The following ELAVL4 variants were observed in gnomAD, a reference collection of about 807,000 sequenced individuals.
ELAVL4 encodes ELAV-like protein 4.
A neutral mutation model predicts 35.6 loss-of-function variants in ELAVL4; 1 was observed. The observed-to-expected ratio is 0.03, with a 90% CI of 0.01 to 0.13. ELAVL4 has a LOEUF of 0.13. ELAVL4 is among the 10% of genes least tolerant of loss of function. The probability of loss-of-function intolerance (pLI) is 1.00; values close to 1 mark genes in which losing one functional copy is unlikely to be tolerated. For synonymous variants in ELAVL4, 156 were observed against 171.0 expected, an observed-to-expected ratio of 0.91 and a Z score of 0.69; for missense variants, 267 against 464.9, an observed-to-expected ratio of 0.57 and a Z score of 3.91.
At chr1:50,176,987 A>G in intron 2 of ELAVL4, 102 bp from the exon 3 acceptor site, 2 of 879,514 alleles carry the variant, frequency 2.3e-6, no homozygotes, top group Admixed American at 4.4e-5. Flanking sequence ...CTGCAGTGGG[A>G]AGTGTTGCCT....
upstream of ELAVL4, chr1:50,104,042 AC>A (rs1356591871): frequency 6.2e-7 from 1 of 1,608,364 alleles, no homozygotes; most frequent in Admixed American, 1.7e-5. Flanking sequence ...CAGATGGTAG[AC>A]CGTCAATGGG....
chr1:50,142,328 T>G (rs1206798534), intron 1 of ELAVL4, among the ~76,000 whole-genome samples: 4 of 152,074 alleles, frequency 2.6e-5, no homozygotes, highest in African/African-American at 9.7e-5. Context: ...GCCTCCCGAG[T>G]AGCTGGGATT....
At chr1:50,141,794 C>T (rs1265985700) in intron 1 of ELAVL4, 1 of 152,214 alleles carries the variant, frequency 6.6e-6, no homozygotes, top group Non-Finnish European at 1.5e-5. Flanking sequence ...CTAAAGTTGA[C>T]CTGAAGCCAA....
intron 1 of ELAVL4, among the ~76,000 whole-genome samples, chr1:50,120,455 T>C (rs1668837744): frequency 6.6e-6 from 1 of 151,926 alleles, no homozygotes; most frequent in Non-Finnish European, 1.5e-5. Flanking sequence ...TAGAAAGAGA[T>C]AGGTAAAAGC....
intron 1 of ELAVL4, among the ~76,000 whole-genome samples, chr1:50,086,931 T>C (rs1665273388): frequency 6.6e-6 from 1 of 152,192 alleles, no homozygotes; most frequent in Admixed American, 6.5e-5. Flanking sequence ...GCCCCTCAAG[T>C]CACTCCTTGG....
rs537174332 is a variant in ELAVL4, at chr1:50,109,273, T to TTATGC, written c.9+77_9+81dup. ...AAAAGCATCTACACCTTGACCAGTC[T>TTATGC]TATGCTTGCACAAGAGTTTAGTTCT... is the stretch of plus-strand genomic sequence containing the variant. On this transcript the variant is annotated intron_variant, in intron 1 of 6. Transcript: ENST00000371824. 1.8e-4 allele frequency: 261 copies of TTATGC among 1,490,076 alleles called. 1 individual carries two copies. In the African/African-American group the frequency reaches 3.5e-3, roughly 20 times the overall value. 92.3% of individuals were successfully genotyped at this position (1,490,076 alleles called of 1,614,324 possible).
chr1:50,102,296 T>TAATAAAATAAAATAA (rs150940225), upstream of ELAVL4, among the ~76,000 whole-genome samples: 612 of 139,090 alleles, frequency 4.4e-3, 5 homozygotes, highest in African/African-American at 0.013. Context: ...AAAAATAAAA[T>TAATAAAATAAAATAA]AATAAAATAA....
chr1:50,127,949 G>C (rs148110169), intron 1 of ELAVL4, among the ~76,000 whole-genome samples: 1 of 152,126 alleles, frequency 6.6e-6, no homozygotes, highest in Non-Finnish European at 1.5e-5. Context: ...CATGCCAGGC[G>C]TGCCCAGATC....
At chr1:50,069,780 G>A (rs1443425496) in intron 1 of ELAVL4, among the ~76,000 whole-genome samples, 2 of 152,044 alleles carry the variant, frequency 1.3e-5, no homozygotes, top group Admixed American at 1.3e-4. Flanking sequence ...ATCACTCTCT[G>A]AACCTAGACA....
At chr1:50,119,755 G>A (rs1292807131) in intron 1 of ELAVL4, among the ~76,000 whole-genome samples, 1 of 151,846 alleles carries the variant, frequency 6.6e-6, no homozygotes, top group African/African-American at 2.4e-5. Flanking sequence ...GCTGTTCTCA[G>A]CATAGTTCTG....
intron 1 of ELAVL4, among the ~76,000 whole-genome samples, chr1:50,061,285 C>A (rs777403698): frequency 6.6e-6 from 1 of 152,122 alleles, no homozygotes; most frequent in Non-Finnish European, 1.5e-5. Flanking sequence ...TTGTTTTTAA[C>A]CTGAATCCCT....
chr1:50,201,473 C>G lies in ELAVL4; in HGVS notation c.*295C>G, dbSNP rs1420641199. 2 of 173,636 alleles carry G rather than the reference C, an allele frequency of 1.2e-5. No homozygotes were observed. The highest frequency in any genetic ancestry group is 4.8e-5 in the African/African-American group (2 of 42,078). 10.8% of individuals were successfully genotyped at this position (173,636 alleles called of 1,614,324 possible). On this transcript the variant is annotated 3_prime_UTR_variant, in exon 7 of 7. Transcript: ENST00000371824. This position sits in a 1 kb window ranked among gnomAD's most constrained non-coding sequence, Gnocchi z 4.3. ...TGTTGAATATAATATACATAGATAG[C>G]GATGTGCAGGGATTTTTACCCAGCC...
chr1:50,140,747 C>A (rs1177547200), intron 1 of ELAVL4, among the ~76,000 whole-genome samples: 1 of 152,154 alleles, frequency 6.6e-6, no homozygotes, highest in Non-Finnish European at 1.5e-5. Context: ...TGTATGTGTC[C>A]ATTTGTGTGT....
chr1:50,195,879 G>C (rs1644024581), intron 5 of ELAVL4, 93 bp downstream of exon 5: 10 of 1,424,018 alleles, frequency 7.0e-6, no homozygotes, highest in Non-Finnish European at 9.7e-6. Context: ...ATGGGGCAAG[G>C]GTAAAAGCTT....
intron 1 of ELAVL4, among the ~76,000 whole-genome samples, chr1:50,138,965 A>C (rs1211967578): frequency 6.6e-6 from 1 of 152,188 alleles, no homozygotes; most frequent in East Asian, 1.9e-4. Context: ...ATACTTTAAA[A>C]CTATTTAGTT....
chr1:50,104,388 C>T (rs1666151293), upstream of ELAVL4, among the ~76,000 whole-genome samples: 1 of 152,288 alleles, frequency 6.6e-6, no homozygotes, highest in South Asian at 2.1e-4. Context: ...TACAAATTAG[C>T]TTATTTCATA....
At chr1:50,086,650 A>G (rs1409615562) in intron 1 of ELAVL4, among the ~76,000 whole-genome samples, 1 of 152,122 alleles carries the variant, frequency 6.6e-6, no homozygotes. Context: ...TTTTAAACCC[A>G]GAAGCATGCA....
At chr1:50,163,138 C>T (rs1162383765) in intron 2 of ELAVL4, among the ~76,000 whole-genome samples, 5 of 152,200 alleles carry the variant, frequency 3.3e-5, no homozygotes, top group African/African-American at 9.7e-5. Flanking sequence ...TTCTGGAATG[C>T]TCTACTATAC....
intron 1 of ELAVL4, among the ~76,000 whole-genome samples, chr1:50,116,037 A>G (rs1667886190): frequency 1.3e-5 from 2 of 152,136 alleles, no homozygotes; most frequent in South Asian, 4.1e-4. Flanking sequence ...TTCTGTATTT[A>G]TAAGCATCTA....
Sources: gnomAD v4.1 joint callset for allele counts (sites outside exome capture counted in the v4.1 genomes callset) on GRCh38, gnomAD v4.1.1 for gene constraint, Gnocchi (gnomAD v3.1) non-coding constraint, MANE v1.5 for transcripts, NCBI Gene and HGNC (gene_info 2026-07-23, HGNC 2026-07-21) for gene names.